The following GALNTL6 variants were observed in gnomAD, a reference collection of about 807,000 sequenced individuals.
The protein encoded by GALNTL6 is polypeptide N-acetylgalactosaminyltransferase-like 6.
Under a neutral mutation model 73.7 loss-of-function variants are expected in GALNTL6, and 46 were observed. The observed-to-expected ratio is 0.62, with a 90% CI of 0.49 to 0.80. The LOEUF (loss-of-function observed/expected upper bound fraction) is 0.80, where lower values mean the gene tolerates loss of function less well. GALNTL6 is among the 30% of genes least tolerant of loss of function. The probability of loss-of-function intolerance (pLI) is 0.00; values close to 1 mark genes in which losing one functional copy is unlikely to be tolerated. For synonymous variants in GALNTL6, 259 were observed against 263.7 expected (o/e 0.98, Z 0.17); for missense variants, 604 against 755.0 (o/e 0.80, Z 2.34).
chr4:172,753,264 G>A (rs1358652986), intron 5 of GALNTL6, among the ~76,000 whole-genome samples: 1 of 152,126 alleles, frequency 6.6e-6, no homozygotes, highest in African/African-American at 2.4e-5. Flanking sequence ...TGCCATGATT[G>A]TGAAGCCCCC....
chr4:172,937,208 A>C (rs79334282), intron 9 of GALNTL6, among the ~76,000 whole-genome samples: 3,550 of 152,290 alleles, frequency 0.023, 142 homozygotes, highest in African/African-American at 0.08. Flanking sequence ...TAGAAAGGTC[A>C]ACCAACAAAT....
At chr4:171,816,383 T>C (rs1354766993) in intron 2 of GALNTL6, 1 of 152,042 alleles carries the variant, frequency 6.6e-6, no homozygotes, top group Non-Finnish European at 1.5e-5. Context: ...TGTGACAGTT[T>C]AACTCTCTGA....
chr4:172,552,292 C>A (rs866539241), intron 5 of GALNTL6, among the ~76,000 whole-genome samples: 9 of 152,062 alleles, frequency 5.9e-5, no homozygotes, highest in Admixed American at 1.3e-4. Context: ...TTCAAAGAAT[C>A]TCGTTTTGCA....
At chr4:172,465,463 C>T (rs570430621) in intron 5 of GALNTL6, among the ~76,000 whole-genome samples, 1 of 149,908 alleles carries the variant, frequency 6.7e-6, no homozygotes, top group East Asian at 2.0e-4. Context: ...GGCGACAGAG[C>T]GAGAATCCGT....
intron 5 of GALNTL6, among the ~76,000 whole-genome samples, chr4:172,598,024 A>G (rs1579226928): frequency 6.6e-6 from 1 of 151,734 alleles, no homozygotes; most frequent in South Asian, 2.1e-4. Flanking sequence ...ATTTTCTTCC[A>G]CTGTCAAATA....
rs527708366 is a variant in GALNTL6 at position 172,844,446 on chromosome 4, G to A, written c.923+30723G>A. Among the ~76,000 whole-genome samples the A allele has an allele frequency of 7.2e-5, 11 of 152,284 alleles. No homozygotes were observed. In the South Asian group the frequency reaches 2.1e-3, roughly 29 times the overall value. ...CGACAGCTAGAGAGTGGCAGAGCTCGAGCACAAACTCAAATCTTTTTCTTC... is the reference window on the plus strand; with the variant it reads ...CGACAGCTAGAGAGTGGCAGAGCTCAAGCACAAACTCAAATCTTTTTCTTC... On this transcript the variant is annotated intron_variant, in intron 7 of 12. Coordinates refer to ENST00000506823, the MANE Select transcript of GALNTL6 (RefSeq NM_001034845.3).
intron 5 of GALNTL6, among the ~76,000 whole-genome samples, chr4:172,530,306 G>A (rs1735126078): frequency 1.3e-5 from 2 of 152,050 alleles, no homozygotes; most frequent in Admixed American, 1.3e-4. Context: ...CACATGAAAT[G>A]CTTCTTTCTT....
At chr4:171,839,772 A>T (rs928501749) in intron 2 of GALNTL6, among the ~76,000 whole-genome samples, 1 of 152,162 alleles carries the variant, frequency 6.6e-6, no homozygotes, top group Non-Finnish European at 1.5e-5. Context: ...AGAAAGGTGA[A>T]ACCCAAGATT....
intron 5 of GALNTL6, among the ~76,000 whole-genome samples, chr4:172,750,690 A>G (rs1035043200): frequency 6.6e-6 from 1 of 152,232 alleles, no homozygotes; most frequent in South Asian, 2.1e-4. Flanking sequence ...ATTGAGAATC[A>G]TAATAGACAT....
intron 2 of GALNTL6, among the ~76,000 whole-genome samples, chr4:171,832,282 T>A (rs980483553): frequency 1.3e-5 from 2 of 150,168 alleles, no homozygotes; most frequent in African/African-American, 2.4e-5. Context: ...CTGATCTATA[T>A]ATGTTTTCAG....
intron 5 of GALNTL6, among the ~76,000 whole-genome samples, chr4:172,495,600 G>T (rs1282875376): frequency 6.6e-6 from 1 of 152,158 alleles, no homozygotes; most frequent in Non-Finnish European, 1.5e-5. Flanking sequence ...ATACTATACG[G>T]TTCTGCTGCT....
intron 5 of GALNTL6, among the ~76,000 whole-genome samples, chr4:172,465,565 C>G (rs1209152523): frequency 6.6e-6 from 1 of 152,118 alleles, no homozygotes; most frequent in Non-Finnish European, 1.5e-5. Flanking sequence ...TGTTTTTATA[C>G]TTGATGCCCT....
intron 5 of GALNTL6, among the ~76,000 whole-genome samples, chr4:172,569,634 C>T (rs1406892138): frequency 6.6e-6 from 1 of 152,136 alleles, no homozygotes; most frequent in Non-Finnish European, 1.5e-5. Context: ...TTATCCTTAT[C>T]CCAACCCCAA....
At chr4:172,360,577 T>C (rs1366486592) in intron 5 of GALNTL6, among the ~76,000 whole-genome samples, 2 of 152,186 alleles carry the variant, frequency 1.3e-5, no homozygotes, top group African/African-American at 4.8e-5. Context: ...AATTTAGTAG[T>C]GACCACAGAA....
chr4:172,107,948 G>A (rs1482098958), intron 2 of GALNTL6, among the ~76,000 whole-genome samples: 1 of 151,970 alleles, frequency 6.6e-6, no homozygotes. Flanking sequence ...ATAGTAACAT[G>A]GATACTGTCA....
At chr4:172,449,506 T>C (rs1732137367) in intron 5 of GALNTL6, among the ~76,000 whole-genome samples, 1 of 152,196 alleles carries the variant, frequency 6.6e-6, no homozygotes, top group African/African-American at 2.4e-5. Context: ...ATGGCCAATT[T>C]TCTATCCTTA....
At chr4:172,417,422 G>A (rs1044645135) in intron 5 of GALNTL6, among the ~76,000 whole-genome samples, 1 of 152,052 alleles carries the variant, frequency 6.6e-6, no homozygotes, top group African/African-American at 2.4e-5. Flanking sequence ...ACTTGGGATA[G>A]ATGATGCTTC....
chr4:172,821,523 G>A (rs1294994048), intron 7 of GALNTL6, among the ~76,000 whole-genome samples: 3 of 152,164 alleles, frequency 2.0e-5, no homozygotes, highest in Non-Finnish European at 4.4e-5. Context: ...CCCATACTGT[G>A]TTCTTATCAT....
chr4:172,549,372 T>C (rs1350264506), intron 5 of GALNTL6, among the ~76,000 whole-genome samples: 1 of 152,190 alleles, frequency 6.6e-6, no homozygotes, highest in Non-Finnish European at 1.5e-5. Flanking sequence ...CTAACCCTAG[T>C]TTCTCTAGGA....
Sources: allele counts gnomAD v4.1 joint callset (sites outside exome capture counted in the v4.1 genomes callset), GRCh38; gene constraint gnomAD v4.1.1; transcripts MANE v1.5; gene names NCBI Gene and HGNC (gene_info 2026-07-23, HGNC 2026-07-21).